TET2: variants seen among roughly 807,000 people sequenced by gnomAD.
TET2 encodes tet methylcytosine dioxygenase 2.
Under a neutral mutation model 142.9 loss-of-function variants are expected in TET2, and 299 were observed. The observed-to-expected ratio is 2.09, with a 90% confidence interval of 1.90 to 2.30. TET2 has a LOEUF of 2.30. Among genes scored for constraint, TET2 ranks in the 30% most tolerant of loss-of-function variants. The probability of loss-of-function intolerance (pLI) is 0.00; values close to 1 mark genes in which losing one functional copy is unlikely to be tolerated. For missense variants in TET2, 2,418 were observed against 2,378.0 expected, an observed-to-expected ratio of 1.02 and a Z score of -0.35; for synonymous variants, 819 against 849.0, an observed-to-expected ratio of 0.96 and a Z score of 0.61.
Position 105,261,755 on chromosome 4 carries a change from A to G in TET2, c.3955-4A>G. ...TAATATGTAGAATTATTCACTTTATACAGGAAGAGAAACTGGAGTCTCATT... is the reference window on the plus strand; with the variant it reads ...TAATATGTAGAATTATTCACTTTATGCAGGAAGAGAAACTGGAGTCTCATT... On this transcript the variant is annotated splice_region_variant and splice_polypyrimidine_tract_variant and intron_variant, in intron 7 of 10. Coordinates refer to ENST00000380013, the MANE Select transcript of TET2 (RefSeq NM_001127208.3). 6.5e-7 allele frequency: 1 copy of G among 1,527,588 alleles called. No homozygotes were observed. The highest frequency in any genetic ancestry group is 1.2e-5 in the South Asian group (1 of 82,806). The allele number at this position is 1,527,588 out of a possible 1,614,324, so 94.6% of individuals were successfully genotyped here. A position where few individuals can be genotyped will look rare whatever the true frequency, so the allele number is the denominator to read the frequency against.
At chr4:105,163,854 A>AGAGTGTGTGT (rs1553942671) in intron 1 of TET2, among the ~76,000 whole-genome samples, 14 of 85,238 alleles carry the variant, frequency 1.6e-4, no homozygotes, top group Non-Finnish European at 2.9e-4. Flanking sequence ...AGAGAGAGAG[A>AGAGTGTGTGT]GTGTGTGTGT....
rs765199718 is a variant in TET2 at position 105,243,794 on chromosome 4, G to A, written c.3803+16G>A. ...TGAATGAAGAGTAAGTGAAGCCCAGGGCCTCTCCCCTCTTTGCGGCCACTG... is the reference window on the plus strand; with the variant it reads ...TGAATGAAGAGTAAGTGAAGCCCAGAGCCTCTCCCCTCTTTGCGGCCACTG... On this transcript the variant is annotated intron_variant, in intron 6 of 10. Coordinates refer to ENST00000380013, the MANE Select transcript of TET2 (RefSeq NM_001127208.3). The A allele has an allele frequency of 1.9e-6, 3 of 1,549,396 alleles. No homozygotes were observed. The highest frequency in any genetic ancestry group is 1.2e-5 in the South Asian group (1 of 83,990).
intron 1 of TET2, among the ~76,000 whole-genome samples, chr4:105,155,475 A>T (rs1723519679): frequency 6.6e-6 from 1 of 152,244 alleles, no homozygotes; most frequent in Admixed American, 6.5e-5. Flanking sequence ...TTACAGGTAA[A>T]ATGAGTGCAG....
In TET2 at chr4:105,275,450, GT is replaced by G; in HGVS notation, c.4942del (p.Ser1648ProfsTer47). 6.4e-7 allele frequency: 1 copy of G among 1,551,606 alleles called. No individual in the cohort carries two copies. The highest frequency in any genetic ancestry group is 8.7e-7 in the Non-Finnish European group (1 of 1,146,974). On this transcript the variant is annotated frameshift_variant, in exon 11 of 11. Coordinates refer to ENST00000380013, the MANE Select transcript of TET2 (RefSeq NM_001127208.3). LOFTEE classifies it low-confidence loss of function (END_TRUNC). ...GTGGACAACTGCTCCCCATATCTGG[GT>G]TCCTATTCTCCCCAGTCTCAGCCGA... ...LSVDNCSPYL[G>X]SYSPQSQPMD...
chr4:105,181,927 C>G (rs6833560), intron 1 of TET2, among the ~76,000 whole-genome samples: 8,586 of 151,810 alleles, frequency 0.057, 672 homozygotes, highest in African/African-American at 0.17. Context: ...TCTGTTATCT[C>G]GGTTATTACT....
intron 2 of TET2, among the ~76,000 whole-genome samples, chr4:105,226,993 A>G (rs182748423): frequency 2.2e-4 from 33 of 152,248 alleles, no homozygotes; most frequent in African/African-American, 7.2e-4. Flanking sequence ...CATTTTTTCA[A>G]AAGGAGGAAA....
intron 2 of TET2, among the ~76,000 whole-genome samples, chr4:105,206,299 T>G (rs1379769682): frequency 2.6e-5 from 4 of 152,266 alleles, no homozygotes; most frequent in Non-Finnish European, 1.5e-5. Context: ...CCATGTTTCC[T>G]AAAGCCTCCT....
chr4:105,201,994 C>T (rs991867417), intron 2 of TET2, among the ~76,000 whole-genome samples: 4 of 151,902 alleles, frequency 2.6e-5, no homozygotes, highest in South Asian at 2.1e-4. Flanking sequence ...CCACCTGCCT[C>T]GGCTTCCCAA....
Position 105,278,880 on chromosome 4 carries a change from A to G in TET2, c.*2361A>G, listed in dbSNP as rs1270737297. The G allele has an allele frequency of 8.6e-6, 2 of 232,920 alleles. No individual in the cohort carries two copies. The highest frequency in any genetic ancestry group is 1.7e-5 in the Non-Finnish European group (2 of 117,934). The allele number at this position is 232,920 out of a possible 1,614,324, so 14.4% of individuals were successfully genotyped here. A position where few individuals can be genotyped will look rare whatever the true frequency, so the allele number is the denominator to read the frequency against. On this transcript the variant is annotated 3_prime_UTR_variant, in exon 11 of 11. Coordinates refer to ENST00000380013, the MANE Select transcript of TET2 (RefSeq NM_001127208.3). Reference sequence around the variant, plus strand: ...TGTAATCACTGAAGGTACATACTCCATGTGGACTTCCCTTAAACAGGCAAA... The same window carrying G: ...TGTAATCACTGAAGGTACATACTCCGTGTGGACTTCCCTTAAACAGGCAAA...
rs140534905 is a variant in TET2, at chr4:105,196,900, T to C, written c.-47+6395T>C. Among the ~76,000 whole-genome samples, 457 of 152,322 alleles carry C rather than the reference T, an allele frequency of 3.0e-3. 5 individuals carry two copies. The highest frequency in any genetic ancestry group is 7.2e-3 in the African/African-American group (300 of 41,564). ...GAAGAGGTTGACTTTGTGATCTTTT[T>C]CATATGTTTTATTTCCCTCTCCCCC... On this transcript the variant is annotated intron_variant, in intron 2 of 10. Transcript: ENST00000380013.
chr4:105,224,684 G>GTCTCTCTCTC (rs34870510), intron 2 of TET2, among the ~76,000 whole-genome samples: 7,810 of 107,998 alleles, frequency 0.072, 940 homozygotes, highest in Non-Finnish European at 0.084. Flanking sequence ...ATATCAGCCA[G>GTCTCTCTCTC]TCTCTCTCTC....
rs1174934335 is a variant in TET2 at position 105,274,918 on chromosome 4, CT to C, written c.4538-127del. On this transcript the variant is annotated intron_variant, in intron 10 of 10. Transcript: ENST00000380013. ...ATCAGAACCCTGACTTTGCTCTTAT[CT>C]TTGCTTAATGGGTGTCGTATATCAC... 4.1e-6 allele frequency: 5 copies of C among 1,226,692 alleles called. No individual in the cohort carries two copies. The African/African-American group carries it at 7.7e-5, about 19-fold the overall frequency. The allele number at this position is 1,226,692 out of a possible 1,614,324, so 76.0% of individuals were successfully genotyped here.
chr4:105,267,411 T>A (rs1730733891), intron 8 of TET2, among the ~76,000 whole-genome samples: 1 of 151,734 alleles, frequency 6.6e-6, no homozygotes, highest in African/African-American at 2.4e-5. Flanking sequence ...TTATAACACG[T>A]AGAAGTAGCA....
chr4:105,279,383 G>A lies in TET2; in HGVS notation c.*2864G>A. ...AATTGTAAATATAAAACCTGCCTCA[G>A]TTAGAATGAATGGAAAGCAGATCTA... On this transcript the variant is annotated 3_prime_UTR_variant, in exon 11 of 11. Transcript: ENST00000380013. 4.3e-6 allele frequency: 1 copy of A among 232,290 alleles called. No homozygotes were observed. Among genetic ancestry groups the A allele is most frequent in the Non-Finnish European group, 8.5e-6 (1 of 117,534 alleles). 14.4% of individuals were successfully genotyped at this position (232,290 alleles called of 1,614,324 possible).
chr4:105,166,894 T>A (rs10014102), intron 1 of TET2, among the ~76,000 whole-genome samples: 47,977 of 151,868 alleles, frequency 0.32, 9,155 homozygotes, highest in East Asian at 0.62. Context: ...TTTTCACTTC[T>A]GAAATTCCTC....
intron 6 of TET2, among the ~76,000 whole-genome samples, chr4:105,252,783 C>T (rs1560559200): frequency 6.6e-6 from 1 of 152,134 alleles, no homozygotes; most frequent in Non-Finnish European, 1.5e-5. Flanking sequence ...ACATTTAGGG[C>T]TGTGACCCAT....
intron 1 of TET2, among the ~76,000 whole-genome samples, chr4:105,163,796 T>G: frequency 2.2e-5 from 3 of 136,154 alleles, no homozygotes; most frequent in Admixed American, 7.9e-5. Context: ...TGTTTGGAGC[T>G]CGAAAGTTTC....
At chr4:105,268,612 T>C (rs1209206118) in intron 8 of TET2, among the ~76,000 whole-genome samples, 1 of 152,198 alleles carries the variant, frequency 6.6e-6, no homozygotes, top group African/African-American at 2.4e-5. Flanking sequence ...AGGGCAGAAT[T>C]TGAGACTATA....
chr4:105,223,274 G>A (rs556824813), intron 2 of TET2, among the ~76,000 whole-genome samples: 1 of 152,042 alleles, frequency 6.6e-6, no homozygotes, highest in Admixed American at 6.6e-5. Flanking sequence ...TATATTCCAG[G>A]TCTAACATGT....
Sources: gnomAD v4.1 joint callset for allele counts (sites outside exome capture counted in the v4.1 genomes callset) on GRCh38, gnomAD v4.1.1 for gene constraint, MANE v1.5 for transcripts, NCBI Gene and HGNC (gene_info 2026-07-23, HGNC 2026-07-21) for gene names.